The following PLEKHO2 variants were observed in gnomAD, a reference collection of about 807,000 sequenced individuals.
PLEKHO2 encodes pleckstrin homology domain-containing family O member 2.
In PLEKHO2, 20 loss-of-function variants were observed where a neutral mutation model predicts 32.7. The ratio of observed to expected loss-of-function variants is 0.61; its 90% CI spans 0.43 to 0.89. The LOEUF is 0.89. PLEKHO2 is among the 40% of genes least tolerant of loss of function. The pLI, the probability that PLEKHO2 is intolerant of heterozygous loss-of-function variation, is 0.00. For synonymous variants in PLEKHO2, 247 were observed against 246.3 expected (o/e 1.00, Z -0.03); for missense variants, 568 against 621.2 (o/e 0.91, Z 0.91).
rs2084540876 is a variant in PLEKHO2 at position 64,848,586 on chromosome 15, G to T, written c.13-7G>T. ...CCCTCATGGTATGAACTGGTGCTGT[G>T]TTACAGGGTGTGAAGGAAGCCGGTG... On this transcript the variant is annotated splice_region_variant and splice_polypyrimidine_tract_variant and intron_variant, in intron 1 of 5. Transcript: ENST00000323544. 2 of 1,614,026 alleles carry T rather than the reference G, an allele frequency of 1.2e-6. No individual in the cohort carries two copies. The highest frequency in any genetic ancestry group is 3.3e-5 in the Admixed American group (2 of 59,998).
Position 64,865,878 on chromosome 15 carries a change from G to A in PLEKHO2, c.1463G>A (p.Ser488Asn). The A allele has an allele frequency of 6.2e-7, 1 of 1,604,504 alleles. No individual in the cohort carries two copies. Among genetic ancestry groups the A allele is most frequent in the Non-Finnish European group, 8.5e-7 (1 of 1,179,328 alleles). Residue 488 changes from serine to asparagine, a missense_variant, in exon 6 of 6, where the codon AGT becomes AAT. Coordinates refer to ENST00000323544, the MANE Select transcript of PLEKHO2 (RefSeq NM_025201.5). ...RKELVTLYRRSAP is the reference protein window; with the variant it reads ...RKELVTLYRRNAP ...GAGCTGGTGACCCTCTACAGGAGAA[G>A]TGCACCCTAGGGCCTTCTGGGCCAG...
At chr15:64,862,245 G>A (rs1239370016) in intron 5 of PLEKHO2, among the ~76,000 whole-genome samples, 1 of 152,132 alleles carries the variant, frequency 6.6e-6, no homozygotes, top group Non-Finnish European at 1.5e-5. Context: ...GAGGCTCTGG[G>A]TAGGATGGGT....
chr15:64,865,909 C>G lies in PLEKHO2; in HGVS notation c.*21C>G, dbSNP rs2084682946. On this transcript the variant is annotated 3_prime_UTR_variant, in exon 6 of 6. Coordinates refer to ENST00000323544, the MANE Select transcript of PLEKHO2 (RefSeq NM_025201.5). Reference sequence around the variant, plus strand: ...CCTAGGGCCTTCTGGGCCAGAGGCACCATCCCTTCTGGCCATCCATCAAGT... The same window carrying G: ...CCTAGGGCCTTCTGGGCCAGAGGCAGCATCCCTTCTGGCCATCCATCAAGT... The G allele has an allele frequency of 3.2e-6, 5 of 1,585,066 alleles. No homozygotes were observed. The highest frequency in any genetic ancestry group is 4.3e-6 in the Non-Finnish European group (5 of 1,169,490).
At chr15:64,842,427 A>C (rs2084492195) in intron 1 of PLEKHO2, among the ~76,000 whole-genome samples, 1 of 133,902 alleles carries the variant, frequency 7.5e-6, no homozygotes, top group Non-Finnish European at 1.6e-5. Context: ...TGTGTGTCGG[A>C]TCCTGACTGT....
At chr15:64,847,823 A>G (rs2084534227) in intron 1 of PLEKHO2, among the ~76,000 whole-genome samples, 1 of 152,016 alleles carries the variant, frequency 6.6e-6, no homozygotes, top group Non-Finnish European at 1.5e-5. Flanking sequence ...AGGAGGGGAG[A>G]GGAGCCTCCT....
intron 2 of PLEKHO2, among the ~76,000 whole-genome samples, chr15:64,851,757 A>G (rs2084571307): frequency 1.3e-5 from 2 of 152,180 alleles, no homozygotes; most frequent in African/African-American, 4.8e-5. Flanking sequence ...CAGGACAGGC[A>G]GCTATTGGGA....
At chr15:64,857,534 T>A (rs1386036938) in intron 3 of PLEKHO2, among the ~76,000 whole-genome samples, 4 of 152,204 alleles carry the variant, frequency 2.6e-5, no homozygotes, top group Non-Finnish European at 2.9e-5. Flanking sequence ...GGGGTCTCAC[T>A]ATGTTGCCCA....
In PLEKHO2 at chr15:64,864,991, T is replaced by G. The variant is rs371181609; in HGVS notation, c.576T>G (p.Ser192Arg). The G allele has an allele frequency of 1.9e-6, 3 of 1,613,942 alleles. No homozygotes were observed. Among genetic ancestry groups the G allele is most frequent in the Non-Finnish European group, 2.5e-6 (3 of 1,180,006 alleles). ...PPVFAPSNHV[S>R]EAQPRETPRP... is the part of the protein sequence containing the mutation. ...TGTTTGCCCCCAGCAATCATGTCAGTGAAGCCCAACCTCGGGAGACACCCC... is the reference window on the plus strand; with the variant it reads ...TGTTTGCCCCCAGCAATCATGTCAGGGAAGCCCAACCTCGGGAGACACCCC... The change falls in exon 6 of 6, where the codon AGT becomes AGG. Residue 192 changes from serine to arginine, a missense_variant. Transcript: ENST00000323544.
rs1280671176 is a variant in PLEKHO2 at position 64,841,938 on chromosome 15, G to T, written c.-79G>T. 2.4e-6 allele frequency: 3 copies of T among 1,227,750 alleles called. No individual in the cohort carries two copies. In the African/African-American group the frequency reaches 4.7e-5, roughly 19 times the overall value. The allele number at this position is 1,227,750 out of a possible 1,614,324, so 76.1% of individuals were successfully genotyped here. A position where few individuals can be genotyped will look rare whatever the true frequency, so the allele number is the denominator to read the frequency against. On this transcript the variant is annotated 5_prime_UTR_variant, in exon 1 of 6. Coordinates refer to ENST00000323544, the MANE Select transcript of PLEKHO2 (RefSeq NM_025201.5). ...ACAGAACGCGGAGAGTCGCCGCCTG[G>T]CCGGGCGTAGACGCGGTGGCAGAGC...
In PLEKHO2 at chr15:64,866,162, G is replaced by T; in HGVS notation, c.*274G>T. ...TGGGAGCACACACGCTGGGACCTATGTGTTTGTGTGGTCGTTCCAAACTGC... is the reference window on the plus strand; with the variant it reads ...TGGGAGCACACACGCTGGGACCTATTTGTTTGTGTGGTCGTTCCAAACTGC... On this transcript the variant is annotated 3_prime_UTR_variant, in exon 6 of 6. Transcript: ENST00000323544. The T allele has an allele frequency of 1.8e-6, 1 of 549,634 alleles. No individual in the cohort carries two copies. The highest frequency in any genetic ancestry group is 2.9e-5 in the Admixed American group (1 of 33,958). 34.0% of individuals were successfully genotyped at this position (549,634 alleles called of 1,614,324 possible).
At chr15:64,846,747 A>G (rs1199915859) in intron 1 of PLEKHO2, among the ~76,000 whole-genome samples, 1 of 152,228 alleles carries the variant, frequency 6.6e-6, no homozygotes, top group Non-Finnish European at 1.5e-5. Flanking sequence ...GCTATAGACC[A>G]GAAAGGGCTT....
intron 1 of PLEKHO2, 113 bp from the exon 2 acceptor site, chr15:64,848,480 A>T (rs1345114781): frequency 8.2e-7 from 1 of 1,225,194 alleles, no homozygotes; most frequent in Non-Finnish European, 1.2e-6. Flanking sequence ...CTCACATATT[A>T]TGATGTCATT....
intron 2 of PLEKHO2, among the ~76,000 whole-genome samples, chr15:64,851,272 G>A (rs2084566475): frequency 6.6e-6 from 1 of 152,158 alleles, no homozygotes; most frequent in South Asian, 2.1e-4. Context: ...AATAAAGGGG[G>A]TTGTCACAGC....
chr15:64,864,202 C>G (rs908641649), intron 5 of PLEKHO2, among the ~76,000 whole-genome samples: 5 of 152,106 alleles, frequency 3.3e-5, no homozygotes, highest in Non-Finnish European at 4.4e-5. Context: ...TGCTGGATAT[C>G]CCTATTGGTC....
At chr15:64,859,010 G>A (rs2084624802) in intron 3 of PLEKHO2, among the ~76,000 whole-genome samples, 1 of 152,112 alleles carries the variant, frequency 6.6e-6, no homozygotes, top group African/African-American at 2.4e-5. Context: ...TCATATAGGT[G>A]GAATTGTACA....
At chr15:64,848,566 A>C in intron 1 of PLEKHO2, 27 bp from the exon 2 acceptor site, 2 of 1,613,716 alleles carry the variant, frequency 1.2e-6, no homozygotes, top group Non-Finnish European at 1.7e-6. Flanking sequence ...AGCAACCCTC[A>C]TGGTATGAAC....
Position 64,859,976 on chromosome 15 carries a change from G to A in PLEKHO2, c.362G>A (p.Gly121Asp). ...IKALNEGINR[G>D]KNKAFDEVKV... ...GCCCTCAATGAAGGGATTAACCGAG[G>A]CAAAAACAAGGCTTTCGATGAGGTG... The change falls in exon 4 of 6, where the codon GGC (glycine) becomes GAC (aspartate). Residue 121 changes from glycine (G) to aspartate (D), a missense_variant. Transcript: ENST00000323544. 6.2e-7 allele frequency: 1 copy of A among 1,614,120 alleles called. No individual in the cohort carries two copies. The highest frequency in any genetic ancestry group is 1.1e-5 in the South Asian group (1 of 91,080).
At chr15:64,859,248 A>G (rs1240610171) in intron 3 of PLEKHO2, among the ~76,000 whole-genome samples, 1 of 152,254 alleles carries the variant, frequency 6.6e-6, no homozygotes, top group Non-Finnish European at 1.5e-5. Context: ...CAAATTGGAT[A>G]CATCATTTTA....
chr15:64,849,787 C>G (rs575785883), intron 2 of PLEKHO2, among the ~76,000 whole-genome samples: 1 of 148,774 alleles, frequency 6.7e-6, no homozygotes, highest in African/African-American at 2.5e-5. Flanking sequence ...CAAGTCTTTT[C>G]CTGTCCCTGG....
Sources: gnomAD v4.1 joint callset for allele counts (sites outside exome capture counted in the v4.1 genomes callset) on GRCh38, gnomAD v4.1.1 for gene constraint, MANE v1.5 for transcripts, NCBI Gene and HGNC (gene_info 2026-07-23, HGNC 2026-07-21) for gene names.